Variants in ZMYND15 observed in about 807,000 individuals in gnomAD.
ZMYND15 encodes zinc finger MYND-type containing 15, also known as zinc finger MYND domain-containing protein 15.
A neutral mutation model predicts 81.7 loss-of-function variants in ZMYND15; 54 were observed. That is an observed-to-expected ratio of 0.66 (90% CI 0.53 to 0.83). ZMYND15 has a LOEUF of 0.83. ZMYND15 is among the 40% of genes least tolerant of loss of function. ZMYND15 has a pLI of 0.00. For synonymous variants in ZMYND15, 399 were observed against 387.0 expected (o/e 1.03, Z -0.36); for missense variants, 925 against 973.5 (o/e 0.95, Z 0.66).
Position 4,744,004 on chromosome 17 carries a change from T to C in ZMYND15, c.1392T>C (p.Asp464=), listed in dbSNP as rs1916551890. 1 of 1,553,282 alleles carries C rather than the reference T, an allele frequency of 6.4e-7. No homozygotes were observed. The highest frequency in any genetic ancestry group is 8.7e-7 in the Non-Finnish European group (1 of 1,147,656). ...PPRGVFGSWQ[D]YYTWRGLSLD... ...CTCTCCTGCCAGGCTCATGGCAGGA[T>C]TACTACACATGGCGGGGCCTCAGCT... The change falls in exon 8 of 14, where the codon GAT becomes GAC. Residue 464 remains aspartate (D), a synonymous_variant. Transcript: ENST00000433935. The surrounding 1 kb of genome is among the most constrained non-coding windows in gnomAD (Gnocchi z 4.1).
chr17:4,740,148 A>G, intron 1 of ZMYND15, 98 bp downstream of exon 1: 1 of 884,096 alleles, frequency 1.1e-6, no homozygotes, highest in Non-Finnish European at 1.4e-6. Context: ...CCACTCCCAT[A>G]CCCCACAGAC....
Position 4,741,656 on chromosome 17 carries a change from C to T in ZMYND15, c.667C>T (p.Leu223=), listed in dbSNP as rs1319473161. ...EHGTILGIDL[L]VDGAQGTASW... ...TGGCACCATCTTGGGCATTGATCTGCTAGTGGATGGAGCCCAGGGAACCGC... is the reference window on the plus strand; with the variant it reads ...TGGCACCATCTTGGGCATTGATCTGTTAGTGGATGGAGCCCAGGGAACCGC... The change falls in exon 3 of 14, where the codon CTA becomes TTA. Residue 223 remains leucine (L), a synonymous_variant. Coordinates refer to ENST00000433935, the MANE Select transcript of ZMYND15 (RefSeq NM_001136046.3). The T allele has an allele frequency of 6.2e-7, 1 of 1,614,012 alleles. No individual in the cohort carries two copies. The highest frequency in any genetic ancestry group is 1.3e-5 in the African/African-American group (1 of 74,906).
At position 4,744,333 on chromosome 17, in the gene ZMYND15, G is replaced by T. The variant is rs777751978; in HGVS notation, c.1585-36G>T. On this transcript the variant is annotated intron_variant, in intron 9 of 13. Transcript: ENST00000433935. The surrounding 1 kb of genome is among the most constrained non-coding windows in gnomAD (Gnocchi z 4.1). ...ATTTTGGTATGGGGGTGGGCACAGG[G>T]TAGACCCCAGATCTTTCTTTCTTTC... is the stretch of plus-strand genomic sequence containing the variant. 2.5e-6 allele frequency: 4 copies of T among 1,613,978 alleles called. No homozygotes were observed. Among genetic ancestry groups the T allele is most frequent in the Non-Finnish European group, 3.4e-6 (4 of 1,179,852 alleles).
Position 4,743,242 on chromosome 17 carries a change from A to AAG in ZMYND15, c.1145-60_1145-59insGA. The AAG allele has an allele frequency of 1.3e-6, 2 of 1,485,518 alleles. No homozygotes were observed. The highest frequency in any genetic ancestry group is 1.8e-6 in the Non-Finnish European group (2 of 1,100,130). 92.0% of individuals were successfully genotyped at this position (1,485,518 alleles called of 1,614,324 possible). A position where few individuals can be genotyped will look rare whatever the true frequency, so the allele number is the denominator to read the frequency against. The stretch of plus-strand genomic sequence containing the variant: ...TGATAGAGCAAGACTCTGTCTCAAA[A>AAG]AAAAAAAAATGTCTGGGGTTCTAGC... On this transcript the variant is annotated intron_variant, in intron 5 of 13. Coordinates refer to ENST00000433935, the MANE Select transcript of ZMYND15 (RefSeq NM_001136046.3). The surrounding 1 kb of genome is among the most constrained non-coding windows in gnomAD (Gnocchi z 4.3).
Position 4,742,460 on chromosome 17 carries a change from A to G in ZMYND15, c.1113A>G (p.Glu371=). The G allele has an allele frequency of 1.2e-6, 2 of 1,614,132 alleles. No individual in the cohort carries two copies. Among genetic ancestry groups the G allele is most frequent in the Non-Finnish European group, 1.7e-6 (2 of 1,180,026 alleles). The part of the protein sequence containing the change: ...RLAAFMERAG[E]LATLPFTYTA... ...CAGCCTTCATGGAGCGGGCAGGAGA[A>G]CTGGCAACCCTGCCTTTTACCTACA... Residue 371 remains glutamate, a synonymous_variant, in exon 5 of 14, where the codon GAA becomes GAG. Coordinates refer to ENST00000433935, the MANE Select transcript of ZMYND15 (RefSeq NM_001136046.3).
Position 4,744,816 on chromosome 17 carries a change from G to T in ZMYND15, c.1837+38G>T. 6.2e-7 allele frequency: 1 copy of T among 1,614,154 alleles called. No individual in the cohort carries two copies. The highest frequency in any genetic ancestry group is 8.5e-7 in the Non-Finnish European group (1 of 1,180,012). On this transcript the variant is annotated intron_variant, in intron 11 of 13. Transcript: ENST00000433935. The surrounding 1 kb of genome is among the most constrained non-coding windows in gnomAD (Gnocchi z 4.1). Reference sequence around the variant, plus strand: ...GTCTCAGGGTTAGGCATGTGGGGAAGGTGGGAGAGAAGCCCACCGTGGGAG... The same window carrying T: ...GTCTCAGGGTTAGGCATGTGGGGAATGTGGGAGAGAAGCCCACCGTGGGAG...
chr17:4,745,804 C>T lies in ZMYND15; in HGVS notation c.2058-15C>T, dbSNP rs1916643375. On this transcript the variant is annotated splice_polypyrimidine_tract_variant and intron_variant, in intron 13 of 13. Coordinates refer to ENST00000433935, the MANE Select transcript of ZMYND15 (RefSeq NM_001136046.3). The surrounding 1 kb of genome is among the most constrained non-coding windows in gnomAD (Gnocchi z 5.2). ...CCCGCCCCGTGGTCCCTGACTGCGC[C>T]CCGCGCCCCCGCAGGTACTGCAATG... is the stretch of plus-strand genomic sequence containing the variant. The T allele has an allele frequency of 1.3e-6, 2 of 1,581,594 alleles. No homozygotes were observed. The highest frequency in any genetic ancestry group is 1.4e-5 in the African/African-American group (1 of 71,146).
At position 4,740,950 on chromosome 17, in the gene ZMYND15, C is replaced by T. The variant is rs753512770; in HGVS notation, c.402C>T (p.Gly134=). 2 of 1,575,016 alleles carry T rather than the reference C, an allele frequency of 1.3e-6. No homozygotes were observed. Among genetic ancestry groups the T allele is most frequent in the Admixed American group, 1.9e-5 (1 of 52,986 alleles). Residue 134 remains glycine (G), a synonymous_variant, in exon 2 of 14, where the codon GGC becomes GGT. Transcript: ENST00000433935. ...EEEKREDGGA[G]STEKVEPEED... ...AGAAGAGAGAGGACGGGGGTGCAGG[C>T]AGCACAGAGAAGGTGGAACCAGAGG...
At chr17:4,742,111 G>A in intron 4 of ZMYND15, 41 bp downstream of exon 4, 4 of 1,609,676 alleles carry the variant, frequency 2.5e-6, no homozygotes, top group Non-Finnish European at 3.4e-6. Context: ...GACCCCAATA[G>A]GCAAATAGAA....
At chr17:4,742,521 G>A (rs751749660) in intron 5 of ZMYND15, 30 bp downstream of exon 5, 16 of 1,608,134 alleles carry the variant, frequency 9.9e-6, no homozygotes, top group Non-Finnish European at 1.3e-5. Flanking sequence ...ATGGTTGGGG[G>A]AAACTGGGAC....
chr17:4,741,280 T>C, intron 2 of ZMYND15, 140 bp downstream of exon 2: 1 of 536,848 alleles, frequency 1.9e-6, no homozygotes, highest in Non-Finnish European at 2.7e-6. Flanking sequence ...CACAGTGGGG[T>C]TTTTTTTTTT....
rs201402725 is a variant in ZMYND15 at position 4,743,411 on chromosome 17, G to A, written c.1253G>A (p.Arg418Lys). ...CTGATTCCAGGCCCGGGCTTCTCCA[G>A]ACACCCCCGAGGCAACACGCCATCC... is the stretch of plus-strand genomic sequence containing the variant. ...SMLIPGPGFS[R>K]HPRGNTPSLS... Residue 418 changes from arginine to lysine, a missense_variant, in exon 6 of 14, where the codon AGA becomes AAA. Coordinates refer to ENST00000433935, the MANE Select transcript of ZMYND15 (RefSeq NM_001136046.3). The surrounding 1 kb of genome is among the most constrained non-coding windows in gnomAD (Gnocchi z 4.3). 3.7e-6 allele frequency: 6 copies of A among 1,614,034 alleles called. No individual in the cohort carries two copies. The East Asian group carries it at 1.3e-4, about 36-fold the overall frequency.
chr17:4,740,594 G>C lies in ZMYND15; in HGVS notation c.46G>C (p.Ala16Pro). The C allele has an allele frequency of 6.2e-7, 1 of 1,610,408 alleles. No homozygotes were observed. The highest frequency in any genetic ancestry group is 1.7e-5 in the Admixed American group (1 of 59,570). ...GYRDEFLDFT[A>P]LLFGWFRKFV... ...CCGGGATGAGTTCCTTGATTTCACT[G>C]CCCTTCTCTTCGGCTGGTTCCGAAA... is the stretch of plus-strand genomic sequence containing the variant. The change falls in exon 2 of 14, where the codon GCC becomes CCC. Residue 16 changes from alanine (A) to proline (P), a missense_variant. Coordinates refer to ENST00000433935, the MANE Select transcript of ZMYND15 (RefSeq NM_001136046.3).
Position 4,745,004 on chromosome 17 carries a change from T to G in ZMYND15, c.1896+76T>G. On this transcript the variant is annotated intron_variant, in intron 12 of 13. Coordinates refer to ENST00000433935, the MANE Select transcript of ZMYND15 (RefSeq NM_001136046.3). This position sits in a 1 kb window ranked among gnomAD's most constrained non-coding sequence, Gnocchi z 5.2. ...CCCCATCTCCTTTTCTGAAAGTCTCTGGGCTCTCCTCCTCTTCACCATCAC... is the reference window on the plus strand; with the variant it reads ...CCCCATCTCCTTTTCTGAAAGTCTCGGGGCTCTCCTCCTCTTCACCATCAC... 6.3e-7 allele frequency: 1 copy of G among 1,593,624 alleles called. No individual in the cohort carries two copies. The highest frequency in any genetic ancestry group is 8.6e-7 in the Non-Finnish European group (1 of 1,162,922).
rs1916356156 is a variant in ZMYND15 at position 4,740,651 on chromosome 17, A to G, written c.103A>G (p.Ser35Gly). The G allele has an allele frequency of 3.1e-6, 5 of 1,614,082 alleles. No homozygotes were observed. Among genetic ancestry groups the G allele is most frequent in the Admixed American group, 3.3e-5 (2 of 60,000 alleles). Reference protein sequence around the residue: ...FVAERGAVGTSLEGRCRQLEA... With the variant: ...FVAERGAVGTGLEGRCRQLEA... ...GGCAGAGCGTGGAGCTGTAGGGACT[A>G]GCCTTGAGGGCCGCTGCCGGCAGCT... The change falls in exon 2 of 14, where the codon AGC (serine) becomes GGC (glycine). Residue 35 changes from serine (S) to glycine (G), a missense_variant. Transcript: ENST00000433935.
rs1916608985 is a variant in ZMYND15 at position 4,745,203 on chromosome 17, G to A, written c.1897-12G>A. The stretch of plus-strand genomic sequence containing the variant: ...GGAGGGGCCTCTCAGAGCGACTCTC[G>A]CTCCACCCCAGTCCCTCCGAGTGCC... On this transcript the variant is annotated splice_polypyrimidine_tract_variant and intron_variant, in intron 12 of 13. Coordinates refer to ENST00000433935, the MANE Select transcript of ZMYND15 (RefSeq NM_001136046.3). This position sits in a 1 kb window ranked among gnomAD's most constrained non-coding sequence, Gnocchi z 5.2. 1.2e-6 allele frequency: 2 copies of A among 1,613,756 alleles called. No homozygotes were observed. The highest frequency in any genetic ancestry group is 1.7e-5 in the Admixed American group (1 of 59,962).
rs756733087 is a variant in ZMYND15 at position 4,741,830 on chromosome 17, G to A, written c.827+14G>A. On this transcript the variant is annotated intron_variant, in intron 3 of 13. Transcript: ENST00000433935. Reference sequence around the variant, plus strand: ...CCGGCTGCATCGGTATAGAAATCTGGTATCTGAGGCTGGGGAGGACTCGGG... The same window carrying A: ...CCGGCTGCATCGGTATAGAAATCTGATATCTGAGGCTGGGGAGGACTCGGG... The A allele has an allele frequency of 6.3e-7, 1 of 1,576,062 alleles. No homozygotes were observed. Among genetic ancestry groups the A allele is most frequent in the Admixed American group, 1.8e-5 (1 of 55,392 alleles).
chr17:4,744,740 A>G lies in ZMYND15; in HGVS notation c.1799A>G (p.Tyr600Cys). 1 of 1,614,134 alleles carries G rather than the reference A, an allele frequency of 6.2e-7. No individual in the cohort carries two copies. Among genetic ancestry groups the G allele is most frequent in the Non-Finnish European group, 8.5e-7 (1 of 1,180,012 alleles). Reference sequence around the variant, plus strand: ...CAGATCAAGGTGTCAGCAAGGCCCTACCACCTGTTCCAGGGGCCCAAGCCT... The same window carrying G: ...CAGATCAAGGTGTCAGCAAGGCCCTGCCACCTGTTCCAGGGGCCCAAGCCT... ...DLQIKVSARP[Y>C]HLFQGPKPDL... Residue 600 changes from tyrosine (Y) to cysteine (C), a missense_variant, in exon 11 of 14, where the codon TAC becomes TGC. Tyr to Cys is a radical substitution (Grantham distance 194, BLOSUM62 -2). Coordinates refer to ENST00000433935, the MANE Select transcript of ZMYND15 (RefSeq NM_001136046.3). This position sits in a 1 kb window ranked among gnomAD's most constrained non-coding sequence, Gnocchi z 4.1.
intron 5 of ZMYND15, 135 bp downstream of exon 5, chr17:4,742,626 G>A: frequency 8.1e-7 from 1 of 1,233,950 alleles, no homozygotes; most frequent in Non-Finnish European, 1.1e-6. Context: ...CTGGAACAAG[G>A]GCAGGGGCTG....
Sources: allele counts gnomAD v4.1 joint callset, GRCh38; gene constraint gnomAD v4.1.1; non-coding constraint Gnocchi (gnomAD v3.1); transcripts MANE v1.5; gene names NCBI Gene and HGNC (gene_info 2026-07-23, HGNC 2026-07-21).